The following CSMD1 variants were observed in gnomAD, a reference collection of about 807,000 sequenced individuals.
CSMD1 encodes the protein CUB and sushi domain-containing protein 1.
CSMD1 carries 213 observed loss-of-function variants against 417.5 expected under a neutral mutation model. The observed-to-expected ratio is 0.51, with a 90% CI of 0.46 to 0.57. The LOEUF is 0.57. Ranked by LOEUF, CSMD1 falls within the 20% of genes least tolerant of loss-of-function variation. The probability of loss-of-function intolerance (pLI) is 0.00; values close to 1 mark genes in which losing one functional copy is unlikely to be tolerated. For missense variants in CSMD1, 6,923 were observed against 4,529.7 expected, an observed-to-expected ratio of 1.53 and a Z score of -15.17; for synonymous variants, 2,862 against 1,736.8, an observed-to-expected ratio of 1.65 and a Z score of -16.11.
intron 12 of CSMD1, among the ~76,000 whole-genome samples, chr8:3,420,334 G>A (rs1813406517): frequency 6.6e-6 from 1 of 151,410 alleles, no homozygotes; most frequent in African/African-American, 2.4e-5. Context: ...ACCAAGGAAA[G>A]GCAGTAACAA....
intron 1 of CSMD1, chr8:4,788,033 G>T (rs1329150850): frequency 1.3e-6 from 2 of 1,589,582 alleles, no homozygotes; most frequent in Non-Finnish European, 1.7e-6. Flanking sequence ...CTCCTGAAGG[G>T]CTCCAAATGG....
intron 7 of CSMD1, among the ~76,000 whole-genome samples, chr8:3,697,461 C>G (rs999895739): frequency 6.6e-6 from 1 of 152,276 alleles, no homozygotes; most frequent in South Asian, 2.1e-4. Flanking sequence ...ATCTTGCTGA[C>G]TTAGTTTGCT....
chr8:4,943,954 T>C (rs10109452), intron 1 of CSMD1, among the ~76,000 whole-genome samples: 77,896 of 151,878 alleles, frequency 0.51, 21,241 homozygotes, highest in East Asian at 0.79. Flanking sequence ...ACAGAAAATG[T>C]ATTAAGGGAA....
chr8:3,913,877 A>G (rs1364479474), intron 5 of CSMD1, among the ~76,000 whole-genome samples: 2 of 151,808 alleles, frequency 1.3e-5, no homozygotes, highest in East Asian at 3.9e-4. Context: ...ATAATTTATG[A>G]TTACCTCGAC....
At chr8:3,264,052 G>A (rs1318443700) in intron 26 of CSMD1, among the ~76,000 whole-genome samples, 4 of 152,048 alleles carry the variant, frequency 2.6e-5, no homozygotes, top group Admixed American at 1.3e-4. Flanking sequence ...ACAATGAAAC[G>A]AAATTTGAAA....
At chr8:4,935,701 G>C (rs566263710) in intron 1 of CSMD1, among the ~76,000 whole-genome samples, 1 of 152,214 alleles carries the variant, frequency 6.6e-6, no homozygotes, top group East Asian at 1.9e-4. Context: ...GTTCTTGTTA[G>C]GATTGAGGAA....
chr8:4,702,161 G>C (rs779605930), intron 1 of CSMD1, among the ~76,000 whole-genome samples: 1 of 152,156 alleles, frequency 6.6e-6, no homozygotes. Context: ...TGAATGCTGG[G>C]CTTAATACCT....
intron 2 of CSMD1, among the ~76,000 whole-genome samples, chr8:4,559,218 T>G (rs1012967638): frequency 6.9e-6 from 1 of 144,324 alleles, no homozygotes; most frequent in Non-Finnish European, 1.5e-5. Flanking sequence ...GACTTTAAGT[T>G]GGATAAACTT....
intron 5 of CSMD1, among the ~76,000 whole-genome samples, chr8:3,843,118 A>G (rs1366091566): frequency 6.6e-6 from 1 of 152,180 alleles, no homozygotes; most frequent in Non-Finnish European, 1.5e-5. Flanking sequence ...GAGAGTTTGA[A>G]TAAATGATTC....
At position 3,263,831 on chromosome 8, in the gene CSMD1, A is replaced by G. The variant is rs188138473; in HGVS notation, c.4153+20313T>C. 1.3e-4 allele frequency among the ~76,000 whole-genome samples: 20 copies of G among 152,346 alleles called. No homozygotes were observed. The East Asian group carries it at 3.5e-3, about 26-fold the overall frequency. On this transcript the variant is annotated intron_variant, in intron 26 of 69. Coordinates refer to ENST00000635120, the MANE Select transcript of CSMD1 (RefSeq NM_033225.6). ...ATAGTTTTGCTTTCATCATGTGAAGATTAGACATCTGTGGGAAAACCAAGT... is the reference window on the plus strand; with the variant it reads ...ATAGTTTTGCTTTCATCATGTGAAGGTTAGACATCTGTGGGAAAACCAAGT...
At chr8:4,002,916 C>T (rs912016637) in intron 4 of CSMD1, among the ~76,000 whole-genome samples, 3 of 152,082 alleles carry the variant, frequency 2.0e-5, no homozygotes, top group Non-Finnish European at 4.4e-5. Context: ...TCAAATTAAG[C>T]ATTATCTCAA....
intron 7 of CSMD1, among the ~76,000 whole-genome samples, chr8:3,672,021 G>A (rs1196382391): frequency 6.6e-6 from 1 of 152,136 alleles, no homozygotes; most frequent in African/African-American, 2.4e-5. Flanking sequence ...AAGACAGTAG[G>A]TTTTATTTAA....
chr8:3,665,806 G>A (rs958152027), intron 7 of CSMD1, among the ~76,000 whole-genome samples: 1 of 152,130 alleles, frequency 6.6e-6, no homozygotes, highest in African/African-American at 2.4e-5. Flanking sequence ...AGCACCCCTA[G>A]GAATCTCTTG....
intron 2 of CSMD1, among the ~76,000 whole-genome samples, chr8:4,522,518 C>G (rs1342619266): frequency 6.6e-6 from 1 of 152,136 alleles, no homozygotes; most frequent in Non-Finnish European, 1.5e-5. Flanking sequence ...TCTGAGGTAT[C>G]TTTTTAAATG....
At chr8:4,178,231 TATC>T (rs896494183) in intron 3 of CSMD1, among the ~76,000 whole-genome samples, 22 of 152,220 alleles carry the variant, frequency 1.4e-4, no homozygotes, top group Admixed American at 5.2e-4. Context: ...GCTAATCCAC[TATC>T]ATCAAGTGGG....
chr8:4,254,629 G>A (rs1233090921), intron 3 of CSMD1, among the ~76,000 whole-genome samples: 1 of 152,126 alleles, frequency 6.6e-6, no homozygotes, highest in African/African-American at 2.4e-5. Flanking sequence ...TTCCAGGCCT[G>A]CAAGATTTAT....
At chr8:4,041,049 C>CTCTG (rs1199011497) in intron 3 of CSMD1, among the ~76,000 whole-genome samples, 2 of 131,082 alleles carry the variant, frequency 1.5e-5, no homozygotes, top group Non-Finnish European at 3.1e-5. Context: ...CGGAGTCTCG[C>CTCTG]TCTGTCGCCC....
chr8:3,305,976 G>A (rs62504392), intron 25 of CSMD1, among the ~76,000 whole-genome samples: 18,436 of 151,884 alleles, frequency 0.12, 1,396 homozygotes, highest in Admixed American at 0.19. Flanking sequence ...CACTGCACCC[G>A]GCCCCACAGT....
At chr8:4,639,452 C>T (rs747007431) in intron 1 of CSMD1, among the ~76,000 whole-genome samples, 2 of 152,168 alleles carry the variant, frequency 1.3e-5, no homozygotes, top group African/African-American at 2.4e-5. Context: ...GGATAACCCA[C>T]TCAAACCCTT....
Sources: gnomAD v4.1 joint callset for allele counts (sites outside exome capture counted in the v4.1 genomes callset) on GRCh38, gnomAD v4.1.1 for gene constraint, MANE v1.5 for transcripts, NCBI Gene and HGNC (gene_info 2026-07-23, HGNC 2026-07-21) for gene names.